Variants in RXFP1 observed in about 807,000 individuals in gnomAD.
RXFP1 encodes relaxin receptor 1.
Under a neutral mutation model 89.8 loss-of-function variants are expected in RXFP1, and 73 were observed. The observed-to-expected ratio is 0.81, with a 90% CI of 0.67 to 0.99. The LOEUF (loss-of-function observed/expected upper bound fraction) is 0.99, where lower values mean the gene tolerates loss of function less well. Ranked by LOEUF, RXFP1 falls within the 50% of genes least tolerant of loss-of-function variation. The pLI is 0.00. For missense variants in RXFP1, 793 were observed against 895.5 expected, an observed-to-expected ratio of 0.89 and a Z score of 1.46; for synonymous variants, 277 against 305.5, an observed-to-expected ratio of 0.91 and a Z score of 0.97.
chr4:158,635,232 T>C (rs1248485524), intron 12 of RXFP1, among the ~76,000 whole-genome samples: 1 of 152,218 alleles, frequency 6.6e-6, no homozygotes, highest in Non-Finnish European at 1.5e-5. Flanking sequence ...AGGGTATTTA[T>C]CTTTCACCTC....
chr4:158,546,844 G>A (rs1403105251), intron 1 of RXFP1, among the ~76,000 whole-genome samples: 2 of 152,056 alleles, frequency 1.3e-5, no homozygotes, highest in Admixed American at 6.6e-5. Context: ...TGCTGGATTC[G>A]GTTTGCCAGT....
At chr4:158,590,729 G>T (rs542590557) in intron 2 of RXFP1, among the ~76,000 whole-genome samples, 2 of 152,036 alleles carry the variant, frequency 1.3e-5, no homozygotes, top group African/African-American at 4.8e-5. Context: ...TAACCCATCC[G>T]ATGTTTCCAT....
chr4:158,633,005 A>G (rs2150210020), intron 11 of RXFP1, among the ~76,000 whole-genome samples: 1 of 152,238 alleles, frequency 6.6e-6, no homozygotes, highest in South Asian at 2.1e-4. Flanking sequence ...CCCCGTCTCT[A>G]CTAAAAATAC....
At chr4:158,529,369 C>G (rs1743434208) in intron 1 of RXFP1, among the ~76,000 whole-genome samples, 3 of 150,864 alleles carry the variant, frequency 2.0e-5, no homozygotes, top group Non-Finnish European at 4.4e-5. Flanking sequence ...AGTGATCCTC[C>G]CACCTCAGCC....
chr4:158,597,885 C>A (rs550989263), intron 3 of RXFP1, among the ~76,000 whole-genome samples: 1 of 152,304 alleles, frequency 6.6e-6, no homozygotes, highest in Non-Finnish European at 1.5e-5. Flanking sequence ...AGTTTTCAGA[C>A]ATCCACAACC....
chr4:158,592,692 T>G (rs542370471), intron 2 of RXFP1, among the ~76,000 whole-genome samples: 1 of 152,294 alleles, frequency 6.6e-6, no homozygotes, highest in South Asian at 2.1e-4. Flanking sequence ...ACATAATTAT[T>G]GTAAAATACT....
chr4:158,528,901 C>G (rs971328130), intron 1 of RXFP1, among the ~76,000 whole-genome samples: 1 of 152,206 alleles, frequency 6.6e-6, no homozygotes, highest in Non-Finnish European at 1.5e-5. Flanking sequence ...CCTCTTCTTT[C>G]CCACCAAAAA....
At chr4:158,640,056 G>C (rs766620404) in intron 14 of RXFP1, among the ~76,000 whole-genome samples, 2 of 152,144 alleles carry the variant, frequency 1.3e-5, no homozygotes, top group Non-Finnish European at 2.9e-5. Context: ...AAGTCACTCA[G>C]TCTATGGTAT....
chr4:158,587,492 A>G lies in RXFP1; in HGVS notation c.188-5909A>G, dbSNP rs181095755. 3.3e-5 allele frequency among the ~76,000 whole-genome samples: 5 copies of G among 152,308 alleles called. No individual in the cohort carries two copies. The East Asian group carries it at 9.6e-4, about 29-fold the overall frequency. ...TAAACTTTTTTATAATTCACACAAT[A>G]CTGATGTAAGAGCCTCAATAACAGA... On this transcript the variant is annotated intron_variant, in intron 2 of 17. Coordinates refer to ENST00000307765, the MANE Select transcript of RXFP1 (RefSeq NM_021634.4).
At chr4:158,540,140 T>C (rs1031758197) in intron 1 of RXFP1, among the ~76,000 whole-genome samples, 6 of 152,008 alleles carry the variant, frequency 3.9e-5, no homozygotes, top group African/African-American at 1.5e-4. Context: ...AAGAAAGAAT[T>C]TGGGGCAAGT....
intron 12 of RXFP1, 109 bp downstream of exon 12, chr4:158,633,585 C>T (rs1426667067): frequency 2.1e-5 from 13 of 605,868 alleles, no homozygotes; most frequent in African/African-American, 9.7e-5. Flanking sequence ...AGTTGAGTAG[C>T]ATTAGCTACA....
intron 6 of RXFP1, among the ~76,000 whole-genome samples, chr4:158,610,001 A>G (rs1320511139): frequency 6.6e-6 from 1 of 152,150 alleles, no homozygotes. Context: ...TTCTAGTTAA[A>G]TAATCATTAG....
intron 2 of RXFP1, among the ~76,000 whole-genome samples, chr4:158,585,781 T>A (rs1758192053): frequency 6.6e-6 from 1 of 152,152 alleles, no homozygotes; most frequent in African/African-American, 2.4e-5. Context: ...AATATATACA[T>A]CAATAAGCAT....
intron 1 of RXFP1, among the ~76,000 whole-genome samples, chr4:158,542,109 A>ATATATATATATATATATATATATTT: frequency 5.7e-5 from 2 of 35,240 alleles, no homozygotes; most frequent in Non-Finnish European, 1.1e-4. Flanking sequence ...ATATATATAT[A>ATATATATATATATATATATATATTT]TTTTTTTTTT....
At chr4:158,644,869 T>G (rs1580316987) in intron 14 of RXFP1, 40 bp from the exon 15 acceptor site, 1 of 1,380,924 alleles carries the variant, frequency 7.2e-7, no homozygotes, top group East Asian at 2.4e-5. Flanking sequence ...GACACTGAAT[T>G]AAATGGAAAA....
intron 4 of RXFP1, among the ~76,000 whole-genome samples, chr4:158,601,164 G>T (rs889199180): frequency 1.3e-5 from 2 of 151,762 alleles, no homozygotes; most frequent in Non-Finnish European, 2.9e-5. Context: ...ACATACATAC[G>T]TACATAAAGA....
intron 1 of RXFP1, among the ~76,000 whole-genome samples, chr4:158,527,564 A>ATATATATATATATATATATATAT (rs1553989393): frequency 4.6e-4 from 45 of 98,318 alleles, no homozygotes; most frequent in African/African-American, 1.4e-3. Context: ...AAAAAAAAAA[A>ATATATATATATATATATATATAT]ATATATATAT....
chr4:158,602,225 C>A (rs376176523), intron 4 of RXFP1, among the ~76,000 whole-genome samples: 1 of 152,244 alleles, frequency 6.6e-6, no homozygotes. Context: ...TATTTTATGT[C>A]ATTTAGAAAG....
intron 12 of RXFP1, among the ~76,000 whole-genome samples, chr4:158,637,580 G>C (rs545601645): frequency 4.6e-5 from 7 of 152,060 alleles, no homozygotes; most frequent in Non-Finnish European, 2.9e-5. Flanking sequence ...TTTTTAACCA[G>C]CTTATTTGTT....
Sources: allele counts gnomAD v4.1 joint callset (sites outside exome capture counted in the v4.1 genomes callset), GRCh38; gene constraint gnomAD v4.1.1; transcripts MANE v1.5; gene names NCBI Gene and HGNC (gene_info 2026-07-23, HGNC 2026-07-21).